UTRN: variants seen among roughly 807,000 people sequenced by gnomAD.
UTRN encodes utrophin.
In UTRN, 283 loss-of-function variants were observed where a neutral mutation model predicts 463.9. That is an observed-to-expected ratio of 0.61 (90% confidence interval 0.55 to 0.67). The LOEUF (loss-of-function observed/expected upper bound fraction) is 0.67. Ranked by LOEUF, UTRN falls within the 30% of genes least tolerant of loss-of-function variation. The pLI, the probability that UTRN is intolerant of heterozygous loss-of-function variation, is 0.00. For synonymous variants in UTRN, 1,442 were observed against 1,431.5 expected, an observed-to-expected ratio of 1.01 and a Z score of -0.17; for missense variants, 3,922 against 4,084.3, an observed-to-expected ratio of 0.96 and a Z score of 1.08.
At chr6:144,572,317 GA>G (rs1801017052) in intron 50 of UTRN, among the ~76,000 whole-genome samples, 3 of 151,954 alleles carry the variant, frequency 2.0e-5, no homozygotes, top group African/African-American at 7.2e-5. Flanking sequence ...GGATATCTAG[GA>G]GCTTCTTGAA....
intron 3 of UTRN, among the ~76,000 whole-genome samples, chr6:144,420,404 A>C (rs144354445): frequency 6.6e-6 from 1 of 152,326 alleles, no homozygotes; most frequent in African/African-American, 2.4e-5. Flanking sequence ...AGGTAGTTAA[A>C]GGTCAAACTG....
intron 12 of UTRN, among the ~76,000 whole-genome samples, chr6:144,439,136 A>G (rs188720430): frequency 1.3e-5 from 2 of 152,216 alleles, no homozygotes; most frequent in Non-Finnish European, 2.9e-5. Context: ...CATAGCTTTC[A>G]TACAACTGGA....
intron 58 of UTRN, among the ~76,000 whole-genome samples, chr6:144,768,641 C>T (rs1793616983): frequency 6.6e-6 from 1 of 152,140 alleles, no homozygotes; most frequent in Non-Finnish European, 1.5e-5. Flanking sequence ...GCAAAGCTGA[C>T]AAACTGGTCA....
At chr6:144,686,810 A>G (rs1464393877) in intron 52 of UTRN, among the ~76,000 whole-genome samples, 1 of 151,994 alleles carries the variant, frequency 6.6e-6, no homozygotes, top group Admixed American at 6.6e-5. Context: ...TGTCTTGAAG[A>G]GACACTTTGG....
At chr6:144,482,171 A>C (rs778993668) in intron 26 of UTRN, 38 bp from the exon 27 acceptor site, 7 of 1,387,398 alleles carry the variant, frequency 5.0e-6, no homozygotes. Context: ...TGAGAAAGGG[A>C]GACGTTTTTC....
In UTRN at chr6:144,682,801, A is replaced by G. The variant is rs867108338; in HGVS notation, c.7652+4223A>G. Among the ~76,000 whole-genome samples the G allele has an allele frequency of 7.3e-5, 11 of 150,402 alleles. No homozygotes were observed. The South Asian group carries it at 1.0e-3, about 14-fold the overall frequency. ...TATTACTTGGATATTTATAAAAGAT[A>G]AAATAGTTTGTTATTTAATTTAGCC... On this transcript the variant is annotated intron_variant, in intron 52 of 74. Coordinates refer to ENST00000367545, the MANE Select transcript of UTRN (RefSeq NM_007124.3).
intron 51 of UTRN, among the ~76,000 whole-genome samples, chr6:144,582,884 A>G (rs1802106618): frequency 6.6e-6 from 1 of 152,082 alleles, no homozygotes; most frequent in South Asian, 2.1e-4. Context: ...CACTTAATGT[A>G]TGGGCTGTTG....
At chr6:144,714,141 T>A (rs1227004328) in intron 53 of UTRN, among the ~76,000 whole-genome samples, 3 of 152,270 alleles carry the variant, frequency 2.0e-5, no homozygotes, top group African/African-American at 7.2e-5. Context: ...TTTTTTTAAA[T>A]TTTGTCTGCA....
At chr6:144,438,368 A>G (rs905426763) in intron 11 of UTRN, among the ~76,000 whole-genome samples, 3 of 152,238 alleles carry the variant, frequency 2.0e-5, no homozygotes, top group Non-Finnish European at 4.4e-5. Flanking sequence ...GTATTGATCT[A>G]CTTTTCCATT....
At chr6:144,568,757 T>C (rs989482443) in intron 50 of UTRN, among the ~76,000 whole-genome samples, 1 of 152,196 alleles carries the variant, frequency 6.6e-6, no homozygotes, top group African/African-American at 2.4e-5. Context: ...TGATGGATTA[T>C]GTAGTTTTAA....
At chr6:144,687,794 G>A (rs1782916366) in intron 52 of UTRN, among the ~76,000 whole-genome samples, 1 of 152,102 alleles carries the variant, frequency 6.6e-6, no homozygotes, top group African/African-American at 2.4e-5. Context: ...TTTCCTGCAT[G>A]TTGACATTAG....
intron 41 of UTRN, among the ~76,000 whole-genome samples, chr6:144,526,179 CGTAA>C (rs1212841459): frequency 1.2e-4 from 18 of 152,054 alleles, no homozygotes; most frequent in Non-Finnish European, 1.6e-4. Context: ...TAGAATGTTC[CGTAA>C]GTATCTGTTA....
intron 2 of UTRN, chr6:144,344,109 A>AC: frequency 8.7e-7 from 1 of 1,149,284 alleles, no homozygotes; most frequent in African/African-American, 1.6e-5. Context: ...AAAAAAAAAA[A>AC]ACCCAAAATA....
chr6:144,410,276 C>T (rs571441679), intron 3 of UTRN, among the ~76,000 whole-genome samples: 32 of 152,290 alleles, frequency 2.1e-4, no homozygotes, highest in Non-Finnish European at 3.8e-4. Flanking sequence ...GGAAGCCTAT[C>T]TTTTGAAGGA....
intron 62 of UTRN, among the ~76,000 whole-genome samples, chr6:144,790,987 TATTTA>T (rs1432061874): frequency 2.0e-5 from 3 of 152,234 alleles, no homozygotes; most frequent in Non-Finnish European, 2.9e-5. Context: ...AAATTTCTGA[TATTTA>T]ATTGAATCCA....
intron 40 of UTRN, among the ~76,000 whole-genome samples, chr6:144,522,529 G>T (rs537468619): frequency 1.3e-5 from 2 of 152,238 alleles, no homozygotes; most frequent in East Asian, 1.9e-4. Context: ...AAATTGGCCA[G>T]TTGAGGTATG....
intron 65 of UTRN, 85 bp from the exon 66 acceptor site, chr6:144,820,797 C>T: frequency 2.0e-6 from 3 of 1,478,912 alleles, no homozygotes; most frequent in South Asian, 1.4e-5. Flanking sequence ...TTAATTGCAT[C>T]AATTTACATC....
chr6:144,683,267 T>C (rs1233864470), intron 52 of UTRN, among the ~76,000 whole-genome samples: 1 of 152,178 alleles, frequency 6.6e-6, no homozygotes, highest in African/African-American at 2.4e-5. Flanking sequence ...AGTATCTTCA[T>C]GGCCTGTCGT....
intron 51 of UTRN, among the ~76,000 whole-genome samples, chr6:144,669,072 A>G (rs1262634091): frequency 6.6e-6 from 1 of 152,168 alleles, no homozygotes; most frequent in Non-Finnish European, 1.5e-5. Context: ...ATGATACATT[A>G]CTGGCTGTCA....
Sources: gnomAD v4.1 joint callset for allele counts (sites outside exome capture counted in the v4.1 genomes callset) on GRCh38, gnomAD v4.1.1 for gene constraint, MANE v1.5 for transcripts, NCBI Gene and HGNC (gene_info 2026-07-23, HGNC 2026-07-21) for gene names.